The following CELSR1 variants were observed in gnomAD, a reference collection of about 807,000 sequenced individuals.
The protein encoded by CELSR1 is adhesion G protein-coupled receptor C1.
In CELSR1, 110 loss-of-function variants were observed where a neutral mutation model predicts 249.1. That is an observed-to-expected ratio of 0.44 (90% confidence interval 0.38 to 0.52). CELSR1 has a LOEUF of 0.52. Ranked by LOEUF, CELSR1 falls within the 20% of genes least tolerant of loss-of-function variation. The pLI is 0.00. For synonymous variants in CELSR1, 2,113 were observed against 1,900.0 expected (o/e 1.11, Z -2.92); for missense variants, 4,109 against 4,296.4 (o/e 0.96, Z 1.22).
At position 46,362,976 on chromosome 22, in the gene CELSR1, GTGGCCTT is replaced by G; in HGVS notation, c.*240_*246del. ...AGTGGTCCACGCCTCCCTCATGCCT[GTGGCCTT>G]TGGCACTTGTCACCAGGTCTGACAG... On this transcript the variant is annotated 3_prime_UTR_variant, in exon 35 of 35. Coordinates refer to ENST00000674500, the MANE Select transcript of CELSR1 (RefSeq NM_001378328.1). 1 of 676,026 alleles carries G rather than the reference GTGGCCTT, an allele frequency of 1.5e-6. No homozygotes were observed. Among genetic ancestry groups the G allele is most frequent in the Non-Finnish European group, 2.5e-6 (1 of 400,490 alleles). The allele number at this position is 676,026 out of a possible 1,614,324, so 41.9% of individuals were successfully genotyped here. A position where few individuals can be genotyped will look rare whatever the true frequency, so the allele number is the denominator to read the frequency against.
At chr22:46,388,554 G>C (rs563985656) in intron 18 of CELSR1, among the ~76,000 whole-genome samples, 9 of 151,934 alleles carry the variant, frequency 5.9e-5, no homozygotes, top group African/African-American at 1.2e-4. Context: ...TGGATGAGGA[G>C]GTCCCTGAGG....
rs1010445769 is a variant in CELSR1 at position 46,536,750 on chromosome 22, C to T, written c.421G>A (p.Ala141Thr). ...LCFPVPGGCAAAQHSALAAPT... is the reference protein window; with the variant it reads ...LCFPVPGGCATAQHSALAAPT... ...GCTGCGAGCGCCGAATGCTGCGCGG[C>T]CGCGCAGCCGCCGGGGACGGGGAAG... The change falls in exon 1 of 35, where the codon GCC becomes ACC. Residue 141 changes from alanine (A) to threonine (T), a missense_variant. Around this residue, in one of 7 missense-constraint regions of CELSR1, gnomAD observed 673 missense variants for 636.8 expected, o/e 1.06. Transcript: ENST00000674500. The T allele has an allele frequency of 5.6e-5, 66 of 1,183,452 alleles. No homozygotes were observed. The highest frequency in any genetic ancestry group is 1.1e-4 in the African/African-American group (7 of 61,788). 73.3% of individuals were successfully genotyped at this position (1,183,452 alleles called of 1,614,324 possible).
rs1170712682 is a variant in CELSR1 at position 46,488,429 on chromosome 22, G to A, written c.3545-24084C>T. 1.3e-5 allele frequency among the ~76,000 whole-genome samples: 2 copies of A among 152,180 alleles called. No homozygotes were observed. The highest frequency in any genetic ancestry group is 2.9e-5 in the Non-Finnish European group (2 of 68,020). On this transcript the variant is annotated intron_variant, in intron 1 of 34. Transcript: ENST00000674500. This position sits in a 1 kb window ranked among gnomAD's most constrained non-coding sequence, Gnocchi z 4.7. Reference sequence around the variant, plus strand: ...GAGTGCAGCACAGGAGGCCACCGTAGTGCCATAGAGCGTGCACCTAGGCGT... The same window carrying A: ...GAGTGCAGCACAGGAGGCCACCGTAATGCCATAGAGCGTGCACCTAGGCGT...
chr22:46,388,322 C>G (rs1221143511), intron 18 of CELSR1, among the ~76,000 whole-genome samples: 1 of 151,804 alleles, frequency 6.6e-6, no homozygotes, highest in East Asian at 1.9e-4. Flanking sequence ...GCACTCCAGC[C>G]TGGACAACAG....
intron 2 of CELSR1, among the ~76,000 whole-genome samples, chr22:46,456,589 G>T (rs1250754655): frequency 6.7e-6 from 1 of 150,020 alleles, no homozygotes; most frequent in East Asian, 2.0e-4. Flanking sequence ...CGTGAACCTG[G>T]GAGGCAGAGC....
At chr22:46,394,107 C>G (rs2079123290) in intron 14 of CELSR1, 35 bp downstream of exon 14, 10 of 1,600,724 alleles carry the variant, frequency 6.2e-6, no homozygotes, top group Non-Finnish European at 8.5e-6. Flanking sequence ...TGTGAGCAAA[C>G]ACAGCATGCA....
Position 46,411,669 on chromosome 22 carries a change from C to T in CELSR1, c.4702G>A (p.Val1568Met), listed in dbSNP as rs1365950491. ...TTCCCGATGTCCTTTCCAAAGCGCA[C>T]AGCCATGGTTGTGTCACAATCATCC... Reference protein sequence around the residue: ...TVDDCDTTMAVRFGKDIGNYS... With the variant: ...TVDDCDTTMAMRFGKDIGNYS... The change falls in exon 6 of 35, where the codon GTG becomes ATG. Residue 1568 changes from valine (V) to methionine (M), a missense_variant. Physicochemically the swap from Val to Met is conservative, Grantham distance 21. Coordinates refer to ENST00000674500, the MANE Select transcript of CELSR1 (RefSeq NM_001378328.1). The surrounding 1 kb of genome is among the most constrained non-coding windows in gnomAD (Gnocchi z 4.2). 4 of 1,614,230 alleles carry T rather than the reference C, an allele frequency of 2.5e-6. No individual in the cohort carries two copies. Among genetic ancestry groups the T allele is most frequent in the Non-Finnish European group, 3.4e-6 (4 of 1,180,042 alleles).
chr22:46,411,911 A>T lies in CELSR1; in HGVS notation c.4612-152T>A. 1.1e-6 allele frequency: 1 copy of T among 938,204 alleles called. No individual in the cohort carries two copies. Among genetic ancestry groups the T allele is most frequent in the Non-Finnish European group, 1.6e-6 (1 of 616,260 alleles). The allele number at this position is 938,204 out of a possible 1,614,324, so 58.1% of individuals were successfully genotyped here. On this transcript the variant is annotated intron_variant, in intron 5 of 34. Coordinates refer to ENST00000674500, the MANE Select transcript of CELSR1 (RefSeq NM_001378328.1). This position sits in a 1 kb window ranked among gnomAD's most constrained non-coding sequence, Gnocchi z 4.2. ...GAGCCCCCGGCCTTTAGTTCCCCAA[A>T]CTAGCTGTGCTGGGCTGCTCAATGC...
Position 46,406,561 on chromosome 22 carries a change from C to G in CELSR1, c.5226+2435G>C, listed in dbSNP as rs1181188924. On this transcript the variant is annotated intron_variant, in intron 9 of 34. Transcript: ENST00000674500. The surrounding 1 kb of genome is among the most constrained non-coding windows in gnomAD (Gnocchi z 5.4). ...GGTCCTGCCCCCGCCACACTCCAAC[C>G]AGGCACTCATGATGGGGAGGGCATG... 1.3e-5 allele frequency among the ~76,000 whole-genome samples: 2 copies of G among 152,216 alleles called. No individual in the cohort carries two copies. The highest frequency in any genetic ancestry group is 2.9e-5 in the Non-Finnish European group (2 of 68,032).
At position 46,433,836 on chromosome 22, in the gene CELSR1, C is replaced by G. The variant is rs979149406; in HGVS notation, c.4523-355G>C. On this transcript the variant is annotated intron_variant, in intron 4 of 34. Transcript: ENST00000674500. The surrounding 1 kb of genome is among the most constrained non-coding windows in gnomAD (Gnocchi z 5.7). ...AGTAGCTGGGATTACAGGCACCCAC[C>G]ACCACACCCGGCTAATTTTTGTATT... 2.6e-5 allele frequency among the ~76,000 whole-genome samples: 4 copies of G among 152,148 alleles called. No individual in the cohort carries two copies. The highest frequency in any genetic ancestry group is 7.2e-5 in the African/African-American group (3 of 41,428).
rs1413770797 is a variant in CELSR1 at position 46,535,170 on chromosome 22, C to G, written c.2001G>C (p.Met667Ile). The G allele has an allele frequency of 6.2e-6, 10 of 1,609,264 alleles. No homozygotes were observed. The highest frequency in any genetic ancestry group is 8.5e-6 in the Non-Finnish European group (10 of 1,179,658). The part of the protein sequence containing the change: ...VEAVDHGSPP[M>I]SSSTSVSITV... ...TGATGGACACGCTGGTGGAGGAGCT[C>G]ATGGGGGGCGAGCCGTGGTCCACCG... Residue 667 changes from methionine to isoleucine, a missense_variant, in exon 1 of 35, where the codon ATG becomes ATC. Met to Ile is a conservative substitution (Grantham distance 10). Transcript: ENST00000674500.
intron 14 of CELSR1, among the ~76,000 whole-genome samples, chr22:46,392,589 C>T (rs889294688): frequency 6.6e-6 from 1 of 152,120 alleles, no homozygotes; most frequent in Non-Finnish European, 1.5e-5. Flanking sequence ...TGGGGTCTCA[C>T]TGTGTTGCCC....
intron 5 of CELSR1, among the ~76,000 whole-genome samples, chr22:46,421,259 C>T (rs1276025332): frequency 2.1e-5 from 3 of 145,032 alleles, no homozygotes; most frequent in African/African-American, 7.5e-5. Context: ...GGGAGGCAGC[C>T]GTGGCACAGT....
At chr22:46,400,922 G>A (rs184680161) in intron 9 of CELSR1, among the ~76,000 whole-genome samples, 8 of 151,410 alleles carry the variant, frequency 5.3e-5, no homozygotes. Flanking sequence ...ACTGTACTTC[G>A]ACTTGGGTGA....
In CELSR1 at chr22:46,411,562, G is replaced by A. The variant is rs1314283778; in HGVS notation, c.4769+40C>T. 1 of 1,611,020 alleles carries A rather than the reference G, an allele frequency of 6.2e-7. No individual in the cohort carries two copies. The highest frequency in any genetic ancestry group is 8.5e-7 in the Non-Finnish European group (1 of 1,178,494). ...AAGGCCGCAGGGTGAGCATGTTTGG[G>A]GGTACGGACCCCCAGGGCCTCCCCT... On this transcript the variant is annotated intron_variant, in intron 6 of 34. Coordinates refer to ENST00000674500, the MANE Select transcript of CELSR1 (RefSeq NM_001378328.1). This position sits in a 1 kb window ranked among gnomAD's most constrained non-coding sequence, Gnocchi z 4.2.
rs530513391 is a variant in CELSR1, at chr22:46,536,141, T to C, written c.1030A>G (p.Lys344Glu). Residue 344 changes from lysine (K) to glutamate (E), a missense_variant, in exon 1 of 35, where the codon AAA (lysine) becomes GAA (glutamate). Physicochemically the swap from Lys to Glu is moderately conservative, Grantham distance 56. Around this residue, in one of 7 missense-constraint regions of CELSR1, gnomAD observed 673 missense variants for 636.8 expected, o/e 1.06. Coordinates refer to ENST00000674500, the MANE Select transcript of CELSR1 (RefSeq NM_001378328.1). ...SATTYITVLVKDTNDHSPVFE... is the reference protein window; with the variant it reads ...SATTYITVLVEDTNDHSPVFE... The stretch of plus-strand genomic sequence containing the variant: ...ACCGGGCTGTGGTCGTTGGTGTCTT[T>C]GACCAAGACAGTGATGTAGGTGGTG... 4.3e-6 allele frequency: 7 copies of C among 1,612,946 alleles called. No homozygotes were observed. The highest frequency in any genetic ancestry group is 1.3e-5 in the African/African-American group (1 of 75,068).
In CELSR1 at chr22:46,389,282, C is replaced by G. The variant is rs550524949; in HGVS notation, c.6555+8G>C. 1.2e-6 allele frequency: 2 copies of G among 1,602,674 alleles called. No homozygotes were observed. The highest frequency in any genetic ancestry group is 2.2e-5 in the South Asian group (2 of 90,982). On this transcript the variant is annotated splice_region_variant and intron_variant, in intron 18 of 34. Transcript: ENST00000674500. ...GTCCCCGAGCCAGGGTGGCGGCCAC[C>G]CGCCTACCTCGTGAAAGTCGGCGTC...
rs1405584657 is a variant in CELSR1 at position 46,441,175 on chromosome 22, C to G, written c.4184-1764G>C. Reference sequence around the variant, plus strand: ...TTCAAAAAAAAAAAAAAAAGAGAGACTGCTATAAAGATGGAACTGGGGGGA... The same window carrying G: ...TTCAAAAAAAAAAAAAAAAGAGAGAGTGCTATAAAGATGGAACTGGGGGGA... On this transcript the variant is annotated intron_variant, in intron 2 of 34. Transcript: ENST00000674500. The surrounding 1 kb of genome is among the most constrained non-coding windows in gnomAD (Gnocchi z 6.1). Among the ~76,000 whole-genome samples the G allele has an allele frequency of 1.3e-5, 2 of 150,814 alleles. No individual in the cohort carries two copies. Among genetic ancestry groups the G allele is most frequent in the African/African-American group, 4.9e-5 (2 of 40,904 alleles).
intron 5 of CELSR1, among the ~76,000 whole-genome samples, chr22:46,431,895 G>T (rs569654679): frequency 1.3e-5 from 2 of 152,338 alleles, no homozygotes; most frequent in East Asian, 3.9e-4. Context: ...CAAGCACATG[G>T]TTCTCCAAAC....
Sources: allele counts gnomAD v4.1 joint callset (sites outside exome capture counted in the v4.1 genomes callset), GRCh38; gene constraint gnomAD v4.1.1; regional missense constraint gnomAD v4.1.1; non-coding constraint Gnocchi (gnomAD v3.1); transcripts MANE v1.5; gene names NCBI Gene and HGNC (gene_info 2026-07-23, HGNC 2026-07-21).